Variants in CHRM3 observed in about 807,000 individuals in gnomAD.
CHRM3 encodes the protein muscarinic acetylcholine receptor M3.
Under a neutral mutation model 41.8 loss-of-function variants are expected in CHRM3, and 11 were observed. That is an observed-to-expected ratio of 0.26 (90% CI 0.17 to 0.44). The LOEUF is 0.44. Ranked by LOEUF, CHRM3 falls within the 20% of genes least tolerant of loss-of-function variation. CHRM3 has a pLI of 1.00. For synonymous variants in CHRM3, 297 were observed against 301.4 expected, an observed-to-expected ratio of 0.99 and a Z score of 0.15; for missense variants, 571 against 745.4, an observed-to-expected ratio of 0.77 and a Z score of 2.72.
At chr1:239,871,957 A>T (rs1288225002) in intron 6 of CHRM3, among the ~76,000 whole-genome samples, 1 of 152,200 alleles carries the variant, frequency 6.6e-6, no homozygotes, top group Non-Finnish European at 1.5e-5. Flanking sequence ...ACTTCTCAGT[A>T]ATTTAGACAG....
At chr1:239,820,176 A>G (rs1048019704) in intron 5 of CHRM3, among the ~76,000 whole-genome samples, 1 of 152,230 alleles carries the variant, frequency 6.6e-6, no homozygotes, top group Non-Finnish European at 1.5e-5. Flanking sequence ...GTCTTTATAC[A>G]TTTATTCCTA....
At chr1:239,686,813 C>A (rs1219201716) in intron 5 of CHRM3, among the ~76,000 whole-genome samples, 1 of 152,160 alleles carries the variant, frequency 6.6e-6, no homozygotes, top group African/African-American at 2.4e-5. Context: ...CTGGAGCATT[C>A]AGAAAGATCA....
Position 239,484,074 on chromosome 1 carries a change from T to C in CHRM3, c.-520-8635T>C, listed in dbSNP as rs188511244. Among the ~76,000 whole-genome samples the C allele has an allele frequency of 2.6e-3, 395 of 152,338 alleles. 4 individuals are homozygous for C. The highest frequency in any genetic ancestry group is 0.025 in the Admixed American group (379 of 15,294). ...TCTCCAAAAGATCTTTATTTTAAAA[T>C]GTTTCTGGATGTATTCGTTCTTTCT... is the stretch of plus-strand genomic sequence containing the variant. On this transcript the variant is annotated intron_variant, in intron 1 of 6. Coordinates refer to ENST00000676153, the MANE Select transcript of CHRM3 (RefSeq NM_001375978.1).
chr1:239,388,942 A>C (rs1658779624), intron 1 of CHRM3, among the ~76,000 whole-genome samples: 1 of 152,242 alleles, frequency 6.6e-6, no homozygotes, highest in South Asian at 2.1e-4. Context: ...CCATATGGAA[A>C]TATAACGTTC....
intron 5 of CHRM3, among the ~76,000 whole-genome samples, chr1:239,743,815 C>T (rs1162447053): frequency 2.3e-3 from 206 of 90,876 alleles, no homozygotes; most frequent in African/African-American, 9.0e-3. Context: ...TTTTTTGAGG[C>T]AGGGTCTCAT....
At chr1:239,691,076 T>C (rs1298370081) in intron 5 of CHRM3, among the ~76,000 whole-genome samples, 1 of 152,046 alleles carries the variant, frequency 6.6e-6, no homozygotes, top group Non-Finnish European at 1.5e-5. Flanking sequence ...TTTGCTGGAC[T>C]CTAATGGGAG....
chr1:239,715,916 A>C (rs1662308238), intron 5 of CHRM3, among the ~76,000 whole-genome samples: 1 of 152,112 alleles, frequency 6.6e-6, no homozygotes, highest in South Asian at 2.1e-4. Flanking sequence ...ATGTGGAAGG[A>C]AATTTGGACA....
chr1:239,539,046 T>A, intron 2 of CHRM3, among the ~76,000 whole-genome samples: 1 of 152,214 alleles, frequency 6.6e-6, no homozygotes, highest in East Asian at 1.9e-4. Context: ...TATCACCATT[T>A]GCCCCAGGCC....
At chr1:239,886,263 C>G (rs1394036773) in intron 6 of CHRM3, 1 of 152,100 alleles carries the variant, frequency 6.6e-6, no homozygotes, top group Non-Finnish European at 1.5e-5. Flanking sequence ...CAAAAGCAAA[C>G]CTTGAGTCAT....
chr1:239,471,048 T>C (rs1022945310), intron 1 of CHRM3, among the ~76,000 whole-genome samples: 4 of 152,242 alleles, frequency 2.6e-5, no homozygotes, highest in Admixed American at 2.0e-4. Flanking sequence ...AAATAGATCA[T>C]TTATAGAAAC....
intron 3 of CHRM3, among the ~76,000 whole-genome samples, chr1:239,566,208 C>T (rs934504913): frequency 5.3e-5 from 8 of 152,160 alleles, no homozygotes; most frequent in African/African-American, 9.7e-5. Flanking sequence ...CCATCACGCC[C>T]GGCCTCCAAG....
chr1:239,412,870 A>G (rs1019843995), intron 1 of CHRM3, among the ~76,000 whole-genome samples: 1 of 151,982 alleles, frequency 6.6e-6, no homozygotes, highest in African/African-American at 2.4e-5. Context: ...TACGAGGTCA[A>G]GAGATGGAGA....
At chr1:239,733,263 G>A (rs1400846312) in intron 5 of CHRM3, among the ~76,000 whole-genome samples, 3 of 152,016 alleles carry the variant, frequency 2.0e-5, no homozygotes, top group African/African-American at 7.2e-5. Flanking sequence ...AGCCAAAGTG[G>A]AGACTGGGTG....
At chr1:239,754,525 TACTCTACAGTAA>T (rs1666087739) in intron 5 of CHRM3, among the ~76,000 whole-genome samples, 1 of 152,248 alleles carries the variant, frequency 6.6e-6, no homozygotes, top group African/African-American at 2.4e-5. Context: ...GATTCCTGGA[TACTCTACAGTAA>T]ACAAGACAGC....
Position 239,638,926 on chromosome 1 carries a change from G to T in CHRM3, c.-250+6640G>T, listed in dbSNP as rs193192301. ...AACATTTAAGTCTTTAATCCATCTT[G>T]AATTAATTTTCATATAAGGTATAAG... is the stretch of plus-strand genomic sequence containing the variant. On this transcript the variant is annotated intron_variant, in intron 4 of 6. Coordinates refer to ENST00000676153, the MANE Select transcript of CHRM3 (RefSeq NM_001375978.1). Among the ~76,000 whole-genome samples, 224 of 152,244 alleles carry T rather than the reference G, an allele frequency of 1.5e-3. 4 individuals are homozygous for T. In the Middle Eastern group the frequency reaches 0.024, roughly 16 times the overall value.
At chr1:239,800,737 A>G (rs1001527787) in intron 5 of CHRM3, among the ~76,000 whole-genome samples, 1 of 152,192 alleles carries the variant, frequency 6.6e-6, no homozygotes, top group Non-Finnish European at 1.5e-5. Flanking sequence ...CAGAGCCGTG[A>G]GATGATCATA....
chr1:239,685,871 C>CT (rs1659091611), intron 5 of CHRM3, among the ~76,000 whole-genome samples: 1 of 151,880 alleles, frequency 6.6e-6, no homozygotes, highest in Admixed American at 6.6e-5. Flanking sequence ...ACAAAAAAAA[C>CT]TGTGTTCTGT....
intron 1 of CHRM3, among the ~76,000 whole-genome samples, chr1:239,418,405 C>T (rs1449964703): frequency 6.6e-6 from 1 of 152,062 alleles, no homozygotes; most frequent in Non-Finnish European, 1.5e-5. Context: ...AGGTTCAGAT[C>T]TATCTAGAAA....
intron 5 of CHRM3, among the ~76,000 whole-genome samples, chr1:239,724,840 G>A (rs1209206616): frequency 6.6e-6 from 1 of 151,664 alleles, no homozygotes; most frequent in Admixed American, 6.6e-5. Context: ...AACTACCAAG[G>A]CCTTATGGTT....
Sources: gnomAD v4.1 joint callset for allele counts (sites outside exome capture counted in the v4.1 genomes callset) on GRCh38, gnomAD v4.1.1 for gene constraint, MANE v1.5 for transcripts, NCBI Gene and HGNC (gene_info 2026-07-23, HGNC 2026-07-21) for gene names.